Variants in MARCHF4 observed in about 807,000 individuals in gnomAD.
MARCHF4 encodes membrane associated ring-CH-type finger 4.
A neutral mutation model predicts 43.9 loss-of-function variants in MARCHF4; 14 were observed. The observed-to-expected ratio is 0.32, with a 90% CI of 0.21 to 0.50. The LOEUF (loss-of-function observed/expected upper bound fraction) is 0.50. Ranked by LOEUF, MARCHF4 falls within the 20% of genes least tolerant of loss-of-function variation. MARCHF4 has a pLI of 0.98. For missense variants in MARCHF4, 468 were observed against 536.7 expected (o/e 0.87, Z 1.27); for synonymous variants, 226 against 213.3 (o/e 1.06, Z -0.52).
chr2:216,271,957 AT>A (rs57629851), intron 3 of MARCHF4, among the ~76,000 whole-genome samples: 35,416 of 100,262 alleles, frequency 0.35, 6,394 homozygotes, highest in Non-Finnish European at 0.44. Context: ...CACCTGGCTA[AT>A]TTTTTTTTTT....
intron 2 of MARCHF4, among the ~76,000 whole-genome samples, chr2:216,280,076 T>A (rs1691103510): frequency 6.6e-6 from 1 of 151,830 alleles, no homozygotes; most frequent in Admixed American, 6.6e-5. Context: ...CTGACTGCAG[T>A]GTGAAGCGTG....
intron 1 of MARCHF4, among the ~76,000 whole-genome samples, chr2:216,314,055 C>G (rs1209841855): frequency 6.6e-6 from 1 of 152,164 alleles, no homozygotes; most frequent in African/African-American, 2.4e-5. Context: ...GATTATAAGA[C>G]AGCTAGTCTG....
At chr2:216,264,552 C>A (rs1177392670) in intron 3 of MARCHF4, among the ~76,000 whole-genome samples, 1 of 152,142 alleles carries the variant, frequency 6.6e-6, no homozygotes, top group African/African-American at 2.4e-5. Context: ...GACTGTAATC[C>A]CCTCGAGGAC....
At position 216,348,786 on chromosome 2, in the gene MARCHF4, T is replaced by C. The variant is rs558816580; in HGVS notation, c.516+20959A>G. On this transcript the variant is annotated intron_variant, in intron 1 of 3. Transcript: ENST00000273067. ...CTTTTGGGGTCTGGATCAGGACCCTTTGCCTGTAACATTAACATTAGACAT... is the reference window on the plus strand; with the variant it reads ...CTTTTGGGGTCTGGATCAGGACCCTCTGCCTGTAACATTAACATTAGACAT... Among the ~76,000 whole-genome samples the C allele has an allele frequency of 2.6e-5, 4 of 152,296 alleles. No individual in the cohort carries two copies. The South Asian group carries it at 6.2e-4, about 24-fold the overall frequency.
rs560367543 is a variant in MARCHF4 at position 216,339,756 on chromosome 2, G to A, written c.516+29989C>T. ...GGGCAGGCACTGACTTAGGGCTTTGGGTTTTATTGGGGCCTCTCAAGTATA... is the reference window on the plus strand; with the variant it reads ...GGGCAGGCACTGACTTAGGGCTTTGAGTTTTATTGGGGCCTCTCAAGTATA... On this transcript the variant is annotated intron_variant, in intron 1 of 3. Coordinates refer to ENST00000273067, the MANE Select transcript of MARCHF4 (RefSeq NM_020814.3). Among the ~76,000 whole-genome samples the A allele has an allele frequency of 9.5e-4, 144 of 152,150 alleles. 1 individual carries two copies. Among genetic ancestry groups the A allele is most frequent in the Middle Eastern group, 3.4e-3 (1 of 294 alleles).
chr2:216,287,618 T>C (rs1691236540), intron 1 of MARCHF4, among the ~76,000 whole-genome samples: 1 of 115,348 alleles, frequency 8.7e-6, no homozygotes, highest in Non-Finnish European at 1.6e-5. Context: ...AAGGGGAACA[T>C]CACACACCCG....
At chr2:216,324,965 G>A (rs539685300) in intron 1 of MARCHF4, among the ~76,000 whole-genome samples, 100 of 151,310 alleles carry the variant, frequency 6.6e-4, no homozygotes, top group African/African-American at 2.3e-3. Context: ...TTCTGGCCAG[G>A]GCAATTAGGC....
At chr2:216,293,074 G>A (rs2105945721) in intron 1 of MARCHF4, among the ~76,000 whole-genome samples, 1 of 152,280 alleles carries the variant, frequency 6.6e-6, no homozygotes, top group Middle Eastern at 3.4e-3. Context: ...GATCCTCTAT[G>A]GCCCTAGAAT....
intron 1 of MARCHF4, among the ~76,000 whole-genome samples, chr2:216,333,853 C>T (rs1259820012): frequency 1.3e-5 from 2 of 152,120 alleles, no homozygotes; most frequent in African/African-American, 2.4e-5. Flanking sequence ...CTGGAGCCAC[C>T]GTGGCGTAGA....
chr2:216,263,515 G>GAA lies in MARCHF4; in HGVS notation c.866-3837_866-3836insTT, dbSNP rs775951687. 5.5e-4 allele frequency among the ~76,000 whole-genome samples: 78 copies of GAA among 142,450 alleles called. 1 individual carries two copies. Among genetic ancestry groups the GAA allele is most frequent in the South Asian group, 4.4e-3 (19 of 4,352 alleles). 93.5% of individuals were successfully genotyped at this position (142,450 alleles called of 152,430 possible). ...AGAAAGAGAGAGAGAGAGAGAGAGA[G>GAA]AGAGAGAGAGAGAGAGAGAGAGAAA... is the stretch of plus-strand genomic sequence containing the variant. On this transcript the variant is annotated intron_variant, in intron 3 of 3. Coordinates refer to ENST00000273067, the MANE Select transcript of MARCHF4 (RefSeq NM_020814.3).
rs976802820 is a variant in MARCHF4, at chr2:216,329,266, A to G, written c.516+40479T>C. The stretch of plus-strand genomic sequence containing the variant: ...CTTGGTGGCGGGCACCTGTAGTCCC[A>G]GCTACTCGGGAGGCGGAGGCAGGAG... On this transcript the variant is annotated intron_variant, in intron 1 of 3. Transcript: ENST00000273067. Among the ~76,000 whole-genome samples, 4 of 152,128 alleles carry G rather than the reference A, an allele frequency of 2.6e-5. No homozygotes were observed. In the East Asian group the frequency reaches 5.8e-4, roughly 22 times the overall value.
chr2:216,361,866 C>G (rs1426116107), intron 1 of MARCHF4, among the ~76,000 whole-genome samples: 2 of 152,162 alleles, frequency 1.3e-5, no homozygotes, highest in African/African-American at 4.8e-5. Flanking sequence ...CTGAGACACA[C>G]TGGTGGGATG....
At chr2:216,361,534 G>A (rs1370839405) in intron 1 of MARCHF4, among the ~76,000 whole-genome samples, 2 of 152,072 alleles carry the variant, frequency 1.3e-5, no homozygotes, top group African/African-American at 4.8e-5. Flanking sequence ...TTTCTACATA[G>A]TTCCTGCCAA....
At chr2:216,267,499 C>T (rs1388652891) in intron 3 of MARCHF4, among the ~76,000 whole-genome samples, 1 of 152,124 alleles carries the variant, frequency 6.6e-6, no homozygotes, top group Admixed American at 6.6e-5. Context: ...TTTGGGACTC[C>T]AAATTGCTGT....
chr2:216,263,192 C>T (rs538109727), intron 3 of MARCHF4, among the ~76,000 whole-genome samples: 46 of 152,244 alleles, frequency 3.0e-4, no homozygotes, highest in Admixed American at 7.2e-4. Flanking sequence ...TTTGGGAGGC[C>T]GCGGCAGGTG....
At chr2:216,263,523 GAGAGAGAGAGAGAGAA>G (rs1377875102) in intron 3 of MARCHF4, among the ~76,000 whole-genome samples, 11 of 149,730 alleles carry the variant, frequency 7.3e-5, no homozygotes, top group Non-Finnish European at 1.3e-4. Flanking sequence ...GAGAGAGAGA[GAGAGAGAGAGAGAGAA>G]AGAGAGAGAG....
chr2:216,259,795 C>A, intron 3 of MARCHF4, 116 bp from the exon 4 acceptor site: 1 of 1,041,014 alleles, frequency 9.6e-7, no homozygotes, highest in Non-Finnish European at 1.4e-6. Context: ...CAGTGCTGAG[C>A]CATGGGAGGA....
At chr2:216,336,264 G>A (rs189003804) in intron 1 of MARCHF4, among the ~76,000 whole-genome samples, 183 of 152,042 alleles carry the variant, frequency 1.2e-3, no homozygotes, top group African/African-American at 4.0e-3. Context: ...AGTAAAAACC[G>A]AAAGATTTTT....
chr2:216,279,195 A>G (rs1379608637), intron 2 of MARCHF4, among the ~76,000 whole-genome samples: 2 of 152,240 alleles, frequency 1.3e-5, no homozygotes. Context: ...TTACTAGGCA[A>G]AGAAAGGAGG....
Sources: gnomAD v4.1 joint callset for allele counts (sites outside exome capture counted in the v4.1 genomes callset) on GRCh38, gnomAD v4.1.1 for gene constraint, MANE v1.5 for transcripts, NCBI Gene and HGNC (gene_info 2026-07-23, HGNC 2026-07-21) for gene names.